CRACDL: variants seen among roughly 807,000 people sequenced by gnomAD.
CRACDL encodes CRACD like.
Under a neutral mutation model 70.6 loss-of-function variants are expected in CRACDL, and 26 were observed. The ratio of observed to expected loss-of-function variants is 0.37; its 90% CI spans 0.27 to 0.51. CRACDL has a LOEUF of 0.51. Ranked by LOEUF, CRACDL falls within the 20% of genes least tolerant of loss-of-function variation. The probability of loss-of-function intolerance (pLI) is 0.94; values close to 1 mark genes in which losing one functional copy is unlikely to be tolerated. For missense variants in CRACDL, 1,283 were observed against 1,376.9 expected, an observed-to-expected ratio of 0.93 and a Z score of 1.08; for synonymous variants, 618 against 615.2, an observed-to-expected ratio of 1.00 and a Z score of -0.07.
intron 6 of CRACDL, among the ~76,000 whole-genome samples, chr2:98,826,345 TCAGTGGTTCATC>T (rs2104481029): frequency 6.6e-6 from 1 of 152,332 alleles, no homozygotes; most frequent in Admixed American, 6.5e-5. Context: ...ATTTGTTTGT[TCAGTGGTTCATC>T]CATTCAACAA....
intron 9 of CRACDL, among the ~76,000 whole-genome samples, chr2:98,795,239 C>T (rs1472401822): frequency 1.3e-5 from 2 of 150,872 alleles, no homozygotes; most frequent in African/African-American, 2.4e-5. Flanking sequence ...CCATGCCTGT[C>T]GAATTTTTGT....
chr2:98,795,077 A>ATATATATATATATTTTTTTTTTT, intron 9 of CRACDL, among the ~76,000 whole-genome samples: 6 of 58,486 alleles, frequency 1.0e-4, no homozygotes, highest in Non-Finnish European at 1.2e-4. Context: ...ATATATATAT[A>ATATATATATATATTTTTTTTTTT]TTTTTTTTTT....
intron 7 of CRACDL, among the ~76,000 whole-genome samples, chr2:98,799,058 C>T (rs994681885): frequency 3.3e-5 from 5 of 152,124 alleles, no homozygotes; most frequent in African/African-American, 1.2e-4. Context: ...TGGATGTTTG[C>T]CTGCCACGGG....
intron 1 of CRACDL, among the ~76,000 whole-genome samples, chr2:98,897,120 A>C (rs1708146032): frequency 6.6e-6 from 1 of 151,874 alleles, no homozygotes; most frequent in Non-Finnish European, 1.5e-5. Context: ...CTTTATAGCC[A>C]CACACTCTTC....
At chr2:98,835,482 G>C (rs979032339) in intron 3 of CRACDL, among the ~76,000 whole-genome samples, 9 of 152,200 alleles carry the variant, frequency 5.9e-5, no homozygotes, top group African/African-American at 2.2e-4. Flanking sequence ...GTCAAAAGAC[G>C]GAGCGAATTT....
intron 1 of CRACDL, 84 bp from the exon 2 acceptor site, chr2:98,846,894 G>T: frequency 1.7e-6 from 2 of 1,146,774 alleles, no homozygotes; most frequent in Non-Finnish European, 2.6e-6. Context: ...GACTGCATTT[G>T]CCATGATCTG....
At chr2:98,854,139 G>C (rs982882137) in intron 1 of CRACDL, among the ~76,000 whole-genome samples, 2 of 151,744 alleles carry the variant, frequency 1.3e-5, no homozygotes, top group Admixed American at 1.3e-4. Flanking sequence ...AAAATTAGCT[G>C]GGCGTGGTAG....
chr2:98,876,344 C>A (rs1707487994), intron 1 of CRACDL, among the ~76,000 whole-genome samples: 1 of 152,092 alleles, frequency 6.6e-6, no homozygotes, highest in South Asian at 2.1e-4. Context: ...GAGTGGGGGT[C>A]CCCAACCCCT....
At chr2:98,880,190 A>C (rs1263682961) in intron 1 of CRACDL, among the ~76,000 whole-genome samples, 1 of 152,186 alleles carries the variant, frequency 6.6e-6, no homozygotes, top group Admixed American at 6.5e-5. Context: ...GTAGTCACTA[A>C]GGGAGCATTT....
At chr2:98,905,600 G>A (rs1171612445) in intron 1 of CRACDL, among the ~76,000 whole-genome samples, 1 of 150,662 alleles carries the variant, frequency 6.6e-6, no homozygotes, top group African/African-American at 2.4e-5. Context: ...CTGTGTAAAA[G>A]ATTTAGTCTA....
intron 1 of CRACDL, among the ~76,000 whole-genome samples, chr2:98,890,675 C>T (rs1707939148): frequency 6.6e-6 from 1 of 152,078 alleles, no homozygotes; most frequent in South Asian, 2.1e-4. Flanking sequence ...TTATATATAC[C>T]AGTTAAGCAT....
chr2:98,833,046 A>G (rs1225655471), intron 3 of CRACDL, 49 bp from the exon 4 acceptor site: 1 of 1,542,848 alleles, frequency 6.5e-7, no homozygotes, highest in Non-Finnish European at 8.7e-7. Context: ...CATCTTACTG[A>G]CCCCTGGGGG....
chr2:98,794,902 G>A (rs1390898825), intron 9 of CRACDL, among the ~76,000 whole-genome samples: 1 of 151,574 alleles, frequency 6.6e-6, no homozygotes, highest in East Asian at 1.9e-4. Flanking sequence ...TGAGGTGAGA[G>A]AGACTTTGGA....
At chr2:98,803,435 G>A (rs924435733) in intron 7 of CRACDL, among the ~76,000 whole-genome samples, 6 of 152,142 alleles carry the variant, frequency 3.9e-5, no homozygotes, top group African/African-American at 1.4e-4. Flanking sequence ...ACTGCACCCG[G>A]CCTGATGCAG....
chr2:98,845,052 C>T (rs925325051), intron 2 of CRACDL, among the ~76,000 whole-genome samples: 1 of 152,142 alleles, frequency 6.6e-6, no homozygotes, highest in Non-Finnish European at 1.5e-5. Context: ...CAGGCCTTGT[C>T]GTTTGATATT....
chr2:98,901,390 A>G (rs1708276636), intron 1 of CRACDL, among the ~76,000 whole-genome samples: 1 of 152,104 alleles, frequency 6.6e-6, no homozygotes. Flanking sequence ...TCTTCTATAT[A>G]CAGATCACAG....
intron 8 of CRACDL, 24 bp downstream of exon 8, chr2:98,797,321 CACAGA>C (rs1161733354): frequency 6.2e-7 from 1 of 1,608,834 alleles, no homozygotes; most frequent in Admixed American, 1.7e-5. Flanking sequence ...CTCCTGCACC[CACAGA>C]ACAGAAGTAT....
chr2:98,883,949 CAG>C (rs1468877498), intron 1 of CRACDL, among the ~76,000 whole-genome samples: 1 of 152,250 alleles, frequency 6.6e-6, no homozygotes, highest in African/African-American at 2.4e-5. Context: ...CACCTCCAGA[CAG>C]ACCTGCTCTG....
intron 5 of CRACDL, among the ~76,000 whole-genome samples, chr2:98,830,430 A>G (rs2104493677): frequency 6.6e-6 from 1 of 152,320 alleles, no homozygotes; most frequent in South Asian, 2.1e-4. Flanking sequence ...TTTGGGGCTT[A>G]AGGCACTATT....
Sources: gnomAD v4.1 joint callset for allele counts (sites outside exome capture counted in the v4.1 genomes callset) on GRCh38, gnomAD v4.1.1 for gene constraint, MANE v1.5 for transcripts, NCBI Gene and HGNC (gene_info 2026-07-23, HGNC 2026-07-21) for gene names.